The following POU2F3 variants were observed in gnomAD, a reference collection of about 807,000 sequenced individuals.
The protein encoded by POU2F3 is POU class 2 homeobox 3.
A neutral mutation model predicts 59.2 loss-of-function variants in POU2F3; 23 were observed. That is an observed-to-expected ratio of 0.39 (90% CI 0.28 to 0.55). POU2F3 has a LOEUF of 0.55. POU2F3 is among the 20% of genes least tolerant of loss of function. The pLI is 0.66. For synonymous variants in POU2F3, 190 were observed against 214.6 expected, an observed-to-expected ratio of 0.89 and a Z score of 1.00; for missense variants, 473 against 544.5, an observed-to-expected ratio of 0.87 and a Z score of 1.31.
chr11:120,312,301 T>G (rs1941669253), intron 10 of POU2F3, among the ~76,000 whole-genome samples: 1 of 152,068 alleles, frequency 6.6e-6, no homozygotes, highest in Non-Finnish European at 1.5e-5. Flanking sequence ...TTTTGTATGT[T>G]TAGTAGAGAC....
chr11:120,238,827 TAAAAAAAAAAAAAAAA>T (rs56948018), upstream of POU2F3, among the ~76,000 whole-genome samples: 21 of 48,364 alleles, frequency 4.3e-4, no homozygotes, highest in East Asian at 0.012. Context: ...AGACTCTGTC[TAAAAAAAAAAAAAAAA>T]AAAAAAAAAA....
At chr11:120,236,728 C>G (rs1033939046), upstream of POU2F3, 2 of 1,461,352 alleles carry the variant, frequency 1.4e-6, no homozygotes, top group South Asian at 1.2e-5. Context: ...TCTCTACGTT[C>G]CCATTCTAGC....
intron 10 of POU2F3, among the ~76,000 whole-genome samples, chr11:120,312,691 G>A (rs533451407): frequency 5.3e-5 from 8 of 152,138 alleles, no homozygotes; most frequent in East Asian, 1.9e-4. Context: ...GTGGTGAACC[G>A]CACACGTGAC....
At chr11:120,242,410 T>G (rs967414351) in intron 1 of POU2F3, among the ~76,000 whole-genome samples, 1 of 152,150 alleles carries the variant, frequency 6.6e-6, no homozygotes, top group African/African-American at 2.4e-5. Flanking sequence ...TCATTATGGG[T>G]CCCTCTCTAG....
At chr11:120,300,039 C>T (rs1437457972) in intron 5 of POU2F3, among the ~76,000 whole-genome samples, 1 of 152,228 alleles carries the variant, frequency 6.6e-6, no homozygotes, top group African/African-American at 2.4e-5. Flanking sequence ...GGAGGGGAAG[C>T]GCCCTGGGAA....
chr11:120,305,408 AG>A, intron 7 of POU2F3, 196 bp downstream of exon 7: 1 of 873,688 alleles, frequency 1.1e-6, no homozygotes, highest in Non-Finnish European at 1.7e-6. Context: ...GGAGAATGAG[AG>A]GTGGAAAAGG....
chr11:120,304,883 G>A, intron 6 of POU2F3, 147 bp from the exon 7 acceptor site: 1 of 530,732 alleles, frequency 1.9e-6, no homozygotes, highest in South Asian at 4.0e-5. Context: ...AAAAATATAA[G>A]ACTCCAATGT....
At chr11:120,284,737 A>G (rs922912111) in intron 3 of POU2F3, among the ~76,000 whole-genome samples, 2 of 152,230 alleles carry the variant, frequency 1.3e-5, no homozygotes, top group Admixed American at 6.5e-5. Context: ...ACATCACTGT[A>G]ACATTATTTT....
intron 2 of POU2F3, among the ~76,000 whole-genome samples, chr11:120,268,460 C>T (rs1349230081): frequency 1.3e-5 from 2 of 152,112 alleles, no homozygotes; most frequent in Non-Finnish European, 2.9e-5. Context: ...CCTGCCTCCA[C>T]CCCCTGAGTA....
At chr11:120,304,738 C>A (rs891449727) in intron 6 of POU2F3, among the ~76,000 whole-genome samples, 3 of 152,086 alleles carry the variant, frequency 2.0e-5, no homozygotes, top group Admixed American at 2.0e-4. Flanking sequence ...AAGTAACCTG[C>A]TAAGACTCAA....
intron 8 of POU2F3, among the ~76,000 whole-genome samples, chr11:120,307,034 T>G (rs1591440095): frequency 1.3e-5 from 2 of 152,244 alleles, no homozygotes; most frequent in Admixed American, 1.3e-4. Flanking sequence ...CAAGTGCCAT[T>G]GCTTTTGGCT....
chr11:120,241,814 G>A (rs1938676940), intron 1 of POU2F3, among the ~76,000 whole-genome samples: 1 of 152,102 alleles, frequency 6.6e-6, no homozygotes, highest in Non-Finnish European at 1.5e-5. Flanking sequence ...GGGAGGGGGT[G>A]GGACAGTTGG....
upstream of POU2F3, among the ~76,000 whole-genome samples, chr11:120,239,350 C>G (rs951134720): frequency 1.3e-5 from 2 of 152,144 alleles, no homozygotes; most frequent in Non-Finnish European, 2.9e-5. Context: ...AGTGGGAGTC[C>G]AGAGACCTGA....
intron 3 of POU2F3, among the ~76,000 whole-genome samples, chr11:120,296,366 C>T (rs1941192190): frequency 6.6e-6 from 1 of 152,186 alleles, no homozygotes; most frequent in South Asian, 2.1e-4. Flanking sequence ...GTAGGATCTT[C>T]CTAATTGTCC....
At chr11:120,279,452 C>T (rs998160088) in intron 3 of POU2F3, among the ~76,000 whole-genome samples, 1 of 152,230 alleles carries the variant, frequency 6.6e-6, no homozygotes, top group Non-Finnish European at 1.5e-5. Context: ...ATTTTCTCCA[C>T]CACCCTTCTC....
chr11:120,257,010 A>G (rs1939370078), intron 2 of POU2F3: 1 of 152,238 alleles, frequency 6.6e-6, no homozygotes, highest in Admixed American at 6.5e-5. Context: ...AATGGGGATA[A>G]TAAGAACACC....
chr11:120,246,387 A>C, intron 1 of POU2F3, 62 bp from the exon 2 acceptor site: 1 of 1,531,506 alleles, frequency 6.5e-7, no homozygotes, highest in Middle Eastern at 1.7e-4. Flanking sequence ...AGTTAAAGCC[A>C]CATATGTCAT....
chr11:120,246,941 T>C (rs1416911342), intron 2 of POU2F3, among the ~76,000 whole-genome samples: 1 of 152,084 alleles, frequency 6.6e-6, no homozygotes, highest in Non-Finnish European at 1.5e-5. Context: ...CCAAATAACG[T>C]GCATGTGGGT....
At chr11:120,255,960 G>A (rs1939325368) in intron 2 of POU2F3, 1 of 152,220 alleles carries the variant, frequency 6.6e-6, no homozygotes, top group Non-Finnish European at 1.5e-5. Flanking sequence ...CGGAGGAGGT[G>A]TGAGGACAGA....
Sources: allele counts gnomAD v4.1 joint callset (sites outside exome capture counted in the v4.1 genomes callset), GRCh38; gene constraint gnomAD v4.1.1; transcripts MANE v1.5; gene names NCBI Gene and HGNC (gene_info 2026-07-23, HGNC 2026-07-21).